Variants in ATXN7 observed in about 807,000 individuals in gnomAD.
The protein encoded by ATXN7 is ataxin 7.
A neutral mutation model predicts 70.5 loss-of-function variants in ATXN7; 12 were observed. The ratio of observed to expected loss-of-function variants is 0.17; its 90% CI spans 0.11 to 0.28. ATXN7 has a LOEUF of 0.28. ATXN7 is among the 10% of genes least tolerant of loss of function. ATXN7 has a pLI of 1.00. For synonymous variants in ATXN7, 498 were observed against 448.7 expected (o/e 1.11, Z -1.39); for missense variants, 1,256 against 1,131.7 (o/e 1.11, Z -1.58).
chr3:63,927,033 A>G (rs1000943725), intron 4 of ATXN7, among the ~76,000 whole-genome samples: 7 of 152,162 alleles, frequency 4.6e-5, no homozygotes, highest in African/African-American at 1.4e-4. Flanking sequence ...CATGGTGTGT[A>G]TGTGCCGCAT....
At chr3:63,954,704 T>A (rs2075011835) in intron 5 of ATXN7, among the ~76,000 whole-genome samples, 1 of 145,590 alleles carries the variant, frequency 6.9e-6, no homozygotes, top group South Asian at 2.1e-4. Flanking sequence ...AAAGTGTTTT[T>A]TTTTTTGTTT....
intron 1 of ATXN7, among the ~76,000 whole-genome samples, chr3:63,892,062 G>C (rs761676832): frequency 6.6e-6 from 1 of 152,128 alleles, no homozygotes; most frequent in East Asian, 1.9e-4. Context: ...ACAAGACAGT[G>C]CATGTACAGA....
chr3:63,892,484 CACACACACA>C (rs1484181157), intron 1 of ATXN7, among the ~76,000 whole-genome samples: 1 of 149,904 alleles, frequency 6.7e-6, no homozygotes, highest in Non-Finnish European at 1.5e-5. Context: ...CACACACACA[CACACACACA>C]CCCACACACA....
Position 63,936,269 on chromosome 3 carries a change from A to G in ATXN7, c.395-16110A>G, listed in dbSNP as rs531741755. Among the ~76,000 whole-genome samples, 11 of 152,234 alleles carry G rather than the reference A, an allele frequency of 7.2e-5. No homozygotes were observed. The South Asian group carries it at 2.1e-3, about 29-fold the overall frequency. On this transcript the variant is annotated intron_variant, in intron 4 of 12. Coordinates refer to ENST00000674280, the MANE Select transcript of ATXN7 (RefSeq NM_001377405.1). ...ATTATATGGATTTTTTTTTCATACA[A>G]TAAGGCCTCTAAATGCAAGCCAGCT...
chr3:63,930,532 A>ATT (rs60958975), intron 4 of ATXN7, among the ~76,000 whole-genome samples: 5 of 144,076 alleles, frequency 3.5e-5, no homozygotes, highest in East Asian at 2.0e-4. Flanking sequence ...AGAGTTTACA[A>ATT]TTTTTTTTTT....
intron 2 of ATXN7, among the ~76,000 whole-genome samples, chr3:63,908,028 C>T (rs1703898581): frequency 6.6e-6 from 1 of 152,100 alleles, no homozygotes; most frequent in African/African-American, 2.4e-5. Flanking sequence ...ATTAAGAAAA[C>T]AATCCAAAAA....
chr3:63,876,880 T>C (rs946617829), intron 1 of ATXN7, among the ~76,000 whole-genome samples: 2 of 152,246 alleles, frequency 1.3e-5, no homozygotes, highest in East Asian at 3.8e-4. Flanking sequence ...CTGCATGGCG[T>C]TCTTACAGAG....
chr3:63,870,105 C>A (rs1559615226), intron 1 of ATXN7, among the ~76,000 whole-genome samples: 1 of 152,212 alleles, frequency 6.6e-6, no homozygotes. Flanking sequence ...GGTCTCTACA[C>A]CTACTCAGCT....
chr3:63,991,755 T>C (rs1413981202), intron 11 of ATXN7, among the ~76,000 whole-genome samples: 1 of 151,984 alleles, frequency 6.6e-6, no homozygotes, highest in Non-Finnish European at 1.5e-5. Flanking sequence ...ACCTAATGCT[T>C]CCCAAACAGG....
At chr3:63,976,074 A>G (rs2075383472) in intron 5 of ATXN7, among the ~76,000 whole-genome samples, 1 of 152,158 alleles carries the variant, frequency 6.6e-6, no homozygotes, top group Non-Finnish European at 1.5e-5. Context: ...AGCAGACCAC[A>G]TTGCAGTTGT....
chr3:63,961,314 C>T (rs1389001285), intron 5 of ATXN7, among the ~76,000 whole-genome samples: 1 of 152,134 alleles, frequency 6.6e-6, no homozygotes, highest in African/African-American at 2.4e-5. Context: ...TGTTATTCCA[C>T]TTTATTAATG....
At chr3:63,863,606 C>G, upstream of ATXN7, 2 of 1,194,710 alleles carry the variant, frequency 1.7e-6, no homozygotes, top group Non-Finnish European at 2.1e-6. Context: ...AGGGAAGCAG[C>G]CGGGGAGGCC....
At chr3:63,959,299 TCA>T (rs1205821476) in intron 5 of ATXN7, among the ~76,000 whole-genome samples, 1 of 152,158 alleles carries the variant, frequency 6.6e-6, no homozygotes, top group Non-Finnish European at 1.5e-5. Flanking sequence ...AAAAATTACC[TCA>T]CTCTTTTGCT....
intron 5 of ATXN7, among the ~76,000 whole-genome samples, chr3:63,968,995 C>G (rs2075270209): frequency 6.6e-6 from 1 of 152,130 alleles, no homozygotes; most frequent in African/African-American, 2.4e-5. Context: ...TCTGAAAACT[C>G]TTGTCAGACA....
At chr3:63,926,335 G>C (rs1704714018) in intron 4 of ATXN7, among the ~76,000 whole-genome samples, 1 of 152,152 alleles carries the variant, frequency 6.6e-6, no homozygotes, top group East Asian at 1.9e-4. Flanking sequence ...GATGAAGTAT[G>C]GGAAATACAA....
At chr3:63,974,329 G>A (rs2075359604) in intron 5 of ATXN7, among the ~76,000 whole-genome samples, 1 of 152,250 alleles carries the variant, frequency 6.6e-6, no homozygotes. Flanking sequence ...AGCCTATGCA[G>A]ACTTGTACAC....
At chr3:63,941,152 C>T (rs2074758947) in intron 4 of ATXN7, among the ~76,000 whole-genome samples, 1 of 152,158 alleles carries the variant, frequency 6.6e-6, no homozygotes, top group Non-Finnish European at 1.5e-5. Context: ...TTAGGGGTCA[C>T]TATTGATAAT....
chr3:63,883,767 G>A (rs1650871708), intron 1 of ATXN7, among the ~76,000 whole-genome samples: 1 of 152,028 alleles, frequency 6.6e-6, no homozygotes, highest in African/African-American at 2.4e-5. Context: ...GTATTAAGGG[G>A]AGAAAATAGG....
intron 1 of ATXN7, among the ~76,000 whole-genome samples, chr3:63,885,872 C>T (rs1703071139): frequency 6.6e-6 from 1 of 152,080 alleles, no homozygotes; most frequent in African/African-American, 2.4e-5. Flanking sequence ...AAAAAATTAG[C>T]AGGGCATGGT....
Sources: gnomAD v4.1 joint callset for allele counts (sites outside exome capture counted in the v4.1 genomes callset) on GRCh38, gnomAD v4.1.1 for gene constraint, MANE v1.5 for transcripts, NCBI Gene and HGNC (gene_info 2026-07-23, HGNC 2026-07-21) for gene names.